TBCD: variants seen among roughly 807,000 people sequenced by gnomAD.
The protein encoded by TBCD is tubulin-specific chaperone D.
A neutral mutation model predicts 169.3 loss-of-function variants in TBCD; 105 were observed. The ratio of observed to expected loss-of-function variants is 0.62; its 90% CI spans 0.53 to 0.73. TBCD has a LOEUF of 0.73. TBCD is among the 30% of genes least tolerant of loss of function. The pLI is 0.00. For missense variants in TBCD, 1,444 were observed against 1,600.1 expected (o/e 0.90, Z 1.66); for synonymous variants, 700 against 643.9 (o/e 1.09, Z -1.32).
intron 13 of TBCD, among the ~76,000 whole-genome samples, chr17:82,863,746 T>G (rs1213289102): frequency 2.0e-5 from 3 of 152,210 alleles, no homozygotes; most frequent in African/African-American, 7.2e-5. Context: ...TGGCTCCTGA[T>G]GCAGCTGGCC....
Position 82,884,174 on chromosome 17 carries a change from G to A in TBCD, c.1505G>A (p.Arg502Gln), listed in dbSNP as rs758845515. 1.7e-5 allele frequency: 27 copies of A among 1,610,534 alleles called. No individual in the cohort carries two copies. The highest frequency in any genetic ancestry group is 2.3e-5 in the Non-Finnish European group (27 of 1,178,232). Residue 502 changes from arginine (R) to glutamine (Q), a missense_variant, in exon 15 of 39, where the codon CGA becomes CAA. Arg to Gln is a conservative substitution (Grantham distance 43). Transcript: ENST00000355528. The surrounding 1 kb of genome is among the most constrained non-coding windows in gnomAD (Gnocchi z 4.2). Reference protein sequence around the residue: ...SALVIAAVFDRDINCRRAASA... With the variant: ...SALVIAAVFDQDINCRRAASA... ...CTGGTGATTGCTGCGGTGTTTGACC[G>A]AGACATAAACTGCAGAAGAGCAGCC... is the stretch of plus-strand genomic sequence containing the variant.
chr17:82,909,791 G>A (rs2060498859), intron 22 of TBCD, among the ~76,000 whole-genome samples: 1 of 152,262 alleles, frequency 6.6e-6, no homozygotes. Context: ...TCGTTCCCAG[G>A]ACTTGCTGGT....
intron 13 of TBCD, among the ~76,000 whole-genome samples, chr17:82,867,353 C>A (rs1433622253): frequency 6.6e-6 from 1 of 152,196 alleles, no homozygotes; most frequent in East Asian, 1.9e-4. Flanking sequence ...TGGGACTCAG[C>A]GGTTTGCACC....
chr17:82,925,584 C>G (rs2061675497), intron 27 of TBCD, among the ~76,000 whole-genome samples: 2 of 152,194 alleles, frequency 1.3e-5, no homozygotes, highest in African/African-American at 4.8e-5. Context: ...TGGAATAGGC[C>G]CTGGCCACTG....
intron 6 of TBCD, among the ~76,000 whole-genome samples, chr17:82,780,940 C>A (rs113989264): frequency 6.6e-6 from 1 of 152,014 alleles, no homozygotes; most frequent in South Asian, 2.1e-4. Flanking sequence ...CCACTGCGCC[C>A]GGCCAGATTT....
At chr17:82,871,413 G>A (rs908997409) in intron 14 of TBCD, among the ~76,000 whole-genome samples, 1 of 152,194 alleles carries the variant, frequency 6.6e-6, no homozygotes, top group Non-Finnish European at 1.5e-5. Context: ...GTCACTGTCC[G>A]TCATGGGTGT....
Position 82,800,848 on chromosome 17 carries a change from C to T in TBCD, c.818-16C>T. The T allele has an allele frequency of 6.2e-7, 1 of 1,610,806 alleles. No homozygotes were observed. Among genetic ancestry groups the T allele is most frequent in the South Asian group, 1.1e-5 (1 of 90,844 alleles). ...CCTGCAGCCCTTCCTGCGCTGAGTC[C>T]AGTTCTTGTTTGCAGCTGCCACTGT... On this transcript the variant is annotated splice_polypyrimidine_tract_variant and intron_variant, in intron 8 of 38. Transcript: ENST00000355528.
At chr17:82,816,675 C>G (rs2459714) in intron 13 of TBCD, among the ~76,000 whole-genome samples, 71,807 of 151,406 alleles carry the variant, frequency 0.47, 17,645 homozygotes, top group South Asian at 0.63. Flanking sequence ...CTGGGACCAC[C>G]GGTGCCCACC....
chr17:82,809,700 T>G lies in TBCD; in HGVS notation c.1149-8T>G. ...TGCCCCTGACGGATTGCTGCGTTTC[T>G]CTTTCAGCATCGGTAGGATGGCTGG... On this transcript the variant is annotated splice_polypyrimidine_tract_variant and splice_region_variant and intron_variant, in intron 11 of 38. Transcript: ENST00000355528. 6.2e-7 allele frequency: 1 copy of G among 1,612,718 alleles called. No homozygotes were observed. Among genetic ancestry groups the G allele is most frequent in the Non-Finnish European group, 8.5e-7 (1 of 1,179,354 alleles).
intron 11 of TBCD, among the ~76,000 whole-genome samples, chr17:82,808,885 T>G (rs1212053913): frequency 1.6e-5 from 2 of 124,244 alleles, no homozygotes; most frequent in Non-Finnish European, 3.3e-5. Context: ...GGGTGGTCCC[T>G]GCTATGGAGG....
chr17:82,920,905 G>C lies in TBCD; in HGVS notation c.2101+287G>C, dbSNP rs1324613771. The C allele has an allele frequency of 9.3e-6, 4 of 427,902 alleles. No homozygotes were observed. The highest frequency in any genetic ancestry group is 4.0e-5 in the Admixed American group (1 of 24,770). The allele number at this position is 427,902 out of a possible 1,614,324, so 26.5% of individuals were successfully genotyped here. On this transcript the variant is annotated intron_variant, in intron 24 of 38. Coordinates refer to ENST00000355528, the MANE Select transcript of TBCD (RefSeq NM_005993.5). The surrounding 1 kb of genome is among the most constrained non-coding windows in gnomAD (Gnocchi z 4.1). The stretch of plus-strand genomic sequence containing the variant: ...GCACTCTGGGTCAGTTCTTCTCCCA[G>C]GCAGACAGTCGGGAGCTGCAGCCAC...
Position 82,831,178 on chromosome 17 carries a change from G to A in TBCD, c.1318+16244G>A, listed in dbSNP as rs760520552. 6.2e-7 allele frequency: 1 copy of A among 1,614,168 alleles called. No individual in the cohort carries two copies. Among genetic ancestry groups the A allele is most frequent in the Non-Finnish European group, 8.5e-7 (1 of 1,180,042 alleles). On this transcript the variant is annotated intron_variant, in intron 13 of 38. Coordinates refer to ENST00000355528, the MANE Select transcript of TBCD (RefSeq NM_005993.5). The surrounding 1 kb of genome is among the most constrained non-coding windows in gnomAD (Gnocchi z 4.6). ...GGAGAGGTCGTACAGGCCTTCGCAGGTCTGGCTCGTCTGCATGAAGTCGGT... is the reference window on the plus strand; with the variant it reads ...GGAGAGGTCGTACAGGCCTTCGCAGATCTGGCTCGTCTGCATGAAGTCGGT...
chr17:82,942,512 G>A lies in TBCD; in HGVS notation c.*49G>A. The A allele has an allele frequency of 6.2e-7, 1 of 1,613,698 alleles. No individual in the cohort carries two copies. The highest frequency in any genetic ancestry group is 8.5e-7 in the Non-Finnish European group (1 of 1,179,730). ...CACCCCTGCCTGGTGAGGATGTCTT[G>A]TTCCTGAGGGAGGCCGGTGTGGAAA... On this transcript the variant is annotated 3_prime_UTR_variant, in exon 39 of 39. Coordinates refer to ENST00000355528, the MANE Select transcript of TBCD (RefSeq NM_005993.5).
intron 9 of TBCD, among the ~76,000 whole-genome samples, chr17:82,802,196 C>G (rs1054375496): frequency 1.3e-5 from 2 of 149,200 alleles, no homozygotes; most frequent in African/African-American, 5.1e-5. Flanking sequence ...CCGGTGTGAA[C>G]GGGTTGGTTC....
chr17:82,768,604 T>C, intron 5 of TBCD, 38 bp downstream of exon 5: 20 of 1,604,690 alleles, frequency 1.2e-5, no homozygotes, highest in Non-Finnish European at 1.7e-5. Context: ...TAATTAGTAC[T>C]CACTTTCATG....
At position 82,942,607 on chromosome 17, in the gene TBCD, G is replaced by C; in HGVS notation, c.*144G>C. On this transcript the variant is annotated 3_prime_UTR_variant, in exon 39 of 39. Coordinates refer to ENST00000355528, the MANE Select transcript of TBCD (RefSeq NM_005993.5). Reference sequence around the variant, plus strand: ...CCTTGGAGGCTGGCACTAGCTGACAGCTTTTCCTCTCTGCACCTGCGCTCT... The same window carrying C: ...CCTTGGAGGCTGGCACTAGCTGACACCTTTTCCTCTCTGCACCTGCGCTCT... The C allele has an allele frequency of 9.1e-7, 1 of 1,100,268 alleles. No individual in the cohort carries two copies. The highest frequency in any genetic ancestry group is 1.3e-5 in the South Asian group (1 of 74,738). 68.2% of individuals were successfully genotyped at this position (1,100,268 alleles called of 1,614,324 possible). A position where few individuals can be genotyped will look rare whatever the true frequency, so the allele number is the denominator to read the frequency against.
At chr17:82,927,132 G>A in intron 28 of TBCD, 54 bp from the exon 29 acceptor site, 1 of 1,609,028 alleles carries the variant, frequency 6.2e-7, no homozygotes, top group Non-Finnish European at 8.5e-7. Flanking sequence ...TCTGCGATGT[G>A]GAAGATGAGG....
At chr17:82,863,328 G>A (rs1051671311) in intron 13 of TBCD, among the ~76,000 whole-genome samples, 3 of 152,186 alleles carry the variant, frequency 2.0e-5, no homozygotes, top group African/African-American at 7.2e-5. Flanking sequence ...AGGTGCTGTG[G>A]CTTCGCAGAC....
rs1400641763 is a variant in TBCD, at chr17:82,921,641, G to A, written c.2178+64G>A. 2.7e-6 allele frequency: 4 copies of A among 1,501,788 alleles called. No individual in the cohort carries two copies. The Admixed American group carries it at 5.0e-5, about 19-fold the overall frequency. The allele number at this position is 1,501,788 out of a possible 1,614,324, so 93.0% of individuals were successfully genotyped here. ...GGTGTTAGTGTGTTAGTCACGGATG[G>A]TGTTTGTGTTGGCGACTGTGCATCA... On this transcript the variant is annotated intron_variant, in intron 25 of 38. Coordinates refer to ENST00000355528, the MANE Select transcript of TBCD (RefSeq NM_005993.5).
Sources: gnomAD v4.1 joint callset for allele counts (sites outside exome capture counted in the v4.1 genomes callset) on GRCh38, gnomAD v4.1.1 for gene constraint, Gnocchi (gnomAD v3.1) non-coding constraint, MANE v1.5 for transcripts, NCBI Gene and HGNC (gene_info 2026-07-23, HGNC 2026-07-21) for gene names.